The following NRXN3 variants were observed in gnomAD, a reference collection of about 807,000 sequenced individuals.
The protein encoded by NRXN3 is neurexin 3.
Under a neutral mutation model 137.6 loss-of-function variants are expected in NRXN3, and 32 were observed. The observed-to-expected ratio is 0.23, with a 90% CI of 0.18 to 0.31. NRXN3 has a LOEUF of 0.31. Among genes scored for constraint, NRXN3 ranks in the 10% least tolerant of loss-of-function variants. The pLI is 1.00. For synonymous variants in NRXN3, 798 were observed against 784.5 expected, an observed-to-expected ratio of 1.02 and a Z score of -0.29; for missense variants, 1,574 against 2,062.5, an observed-to-expected ratio of 0.76 and a Z score of 4.59.
chr14:78,195,021 G>GGT (rs2061098189), intron 1 of NRXN3, among the ~76,000 whole-genome samples: 1 of 152,206 alleles, frequency 6.6e-6, no homozygotes, highest in South Asian at 2.1e-4. Flanking sequence ...AGAAGCCCTT[G>GGT]GTGGAGATCT....
intron 15 of NRXN3, among the ~76,000 whole-genome samples, chr14:79,365,745 G>A (rs56118415): frequency 0.4 from 43,236 of 108,800 alleles, 9,380 homozygotes; most frequent in South Asian, 0.45. Flanking sequence ...AAAAAAAAAA[G>A]AAAAAAAAGA....
At chr14:78,534,060 G>A (rs1344944595) in intron 4 of NRXN3, among the ~76,000 whole-genome samples, 1 of 152,180 alleles carries the variant, frequency 6.6e-6, no homozygotes, top group Non-Finnish European at 1.5e-5. Context: ...GGTGCACTTT[G>A]GGAGAAATGG....
chr14:78,501,810 A>G (rs2095881243), intron 4 of NRXN3, among the ~76,000 whole-genome samples: 1 of 152,158 alleles, frequency 6.6e-6, no homozygotes, highest in Admixed American at 6.5e-5. Context: ...GGGTGGAAGC[A>G]TGGAATAAGG....
intron 15 of NRXN3, among the ~76,000 whole-genome samples, chr14:79,005,762 T>C (rs2099551168): frequency 6.6e-6 from 1 of 151,784 alleles, no homozygotes; most frequent in Non-Finnish European, 1.5e-5. Context: ...TGTTTATACA[T>C]GTTTACCTGT....
At chr14:79,637,126 T>C (rs1292166169) in intron 16 of NRXN3, among the ~76,000 whole-genome samples, 1 of 152,158 alleles carries the variant, frequency 6.6e-6, no homozygotes, top group African/African-American at 2.4e-5. Context: ...AGCTGCGTGA[T>C]TTGGGGCAAA....
chr14:78,291,710 T>C (rs1431418889), intron 3 of NRXN3, among the ~76,000 whole-genome samples: 1 of 152,220 alleles, frequency 6.6e-6, no homozygotes, highest in African/African-American at 2.4e-5. Flanking sequence ...GTAATTACTC[T>C]TTTAAAAAGT....
chr14:79,209,393 A>G (rs991080614), intron 15 of NRXN3, among the ~76,000 whole-genome samples: 2 of 152,042 alleles, frequency 1.3e-5, no homozygotes, highest in African/African-American at 2.4e-5. Context: ...TCTATAATGC[A>G]CTGCTATGTA....
intron 10 of NRXN3, among the ~76,000 whole-genome samples, chr14:78,933,594 G>A (rs1431671448): frequency 6.6e-6 from 1 of 152,090 alleles, no homozygotes; most frequent in African/African-American, 2.4e-5. Context: ...TGTACAACAT[G>A]ATGCTTCGAA....
At chr14:78,493,612 A>G (rs946470878) in intron 4 of NRXN3, among the ~76,000 whole-genome samples, 11 of 152,166 alleles carry the variant, frequency 7.2e-5, no homozygotes, top group Middle Eastern at 3.4e-3. Flanking sequence ...TCTTTGGACT[A>G]CCCTCTTTAG....
chr14:78,816,406 T>A (rs939540010), intron 10 of NRXN3, among the ~76,000 whole-genome samples: 2 of 152,136 alleles, frequency 1.3e-5, no homozygotes, highest in Non-Finnish European at 2.9e-5. Flanking sequence ...TCCTTCTTTT[T>A]GACACAAATA....
Position 79,659,068 on chromosome 14 carries a change from C to CTGAT in NRXN3, c.3445-4706_3445-4703dup, listed in dbSNP as rs113499863. 2.1e-3 allele frequency among the ~76,000 whole-genome samples: 327 copies of CTGAT among 152,186 alleles called. 5 individuals are homozygous for CTGAT. Among genetic ancestry groups the CTGAT allele is most frequent in the African/African-American group, 7.3e-3 (304 of 41,522 alleles). On this transcript the variant is annotated intron_variant, in intron 16 of 20. Coordinates refer to ENST00000335750, the MANE Select transcript of NRXN3 (RefSeq NM_001330195.2). ...GTCAGCACCAATAACTGCAGTGTGA[C>CTGAT]TGATTGAGGATAGGGCAGCTGAAGC...
intron 3 of NRXN3, among the ~76,000 whole-genome samples, chr14:78,293,279 C>G (rs924564861): frequency 9.2e-5 from 14 of 152,142 alleles, no homozygotes; most frequent in Non-Finnish European, 2.9e-5. Flanking sequence ...TGCTGACCCT[C>G]TCATCTATGA....
intron 4 of NRXN3, among the ~76,000 whole-genome samples, chr14:78,644,724 C>T (rs766843913): frequency 6.6e-6 from 1 of 152,158 alleles, no homozygotes; most frequent in East Asian, 1.9e-4. Flanking sequence ...AGTCCTTTGT[C>T]AGAACAGTTA....
At chr14:78,886,038 G>T (rs2099142695) in intron 10 of NRXN3, among the ~76,000 whole-genome samples, 1 of 152,080 alleles carries the variant, frequency 6.6e-6, no homozygotes, top group Non-Finnish European at 1.5e-5. Flanking sequence ...CTCTGGAAAT[G>T]ACAAGCATCA....
chr14:79,855,091 C>T (rs867632882), intron 20 of NRXN3, among the ~76,000 whole-genome samples: 1 of 152,170 alleles, frequency 6.6e-6, no homozygotes, highest in Middle Eastern at 3.4e-3. Context: ...GGTAAGCTTT[C>T]AGGGATCTTA....
Position 78,645,310 on chromosome 14 carries a change from C to T in NRXN3, c.948C>T (p.Ser316=), listed in dbSNP as rs2097675677. The change falls in exon 5 of 21, where the codon TCC becomes TCT. Residue 316 remains serine (S), a synonymous_variant. Transcript: ENST00000335750. The stretch of plus-strand genomic sequence containing the variant: ...TGGCTCTGAAGGATGGTGCGGTCTC[C>T]TTGGTCATTAACCTGGGGTCCGGGG... ...VNLALKDGAV[S]LVINLGSGAF... The T allele has an allele frequency of 6.9e-6, 11 of 1,598,890 alleles. No homozygotes were observed. The East Asian group carries it at 2.5e-4, about 36-fold the overall frequency.
At chr14:78,421,897 T>TA (rs931154414) in intron 4 of NRXN3, among the ~76,000 whole-genome samples, 89 of 150,878 alleles carry the variant, frequency 5.9e-4, no homozygotes, top group South Asian at 3.0e-3. Flanking sequence ...TTTGCAACCA[T>TA]AAAAAAAAAG....
chr14:79,848,924 G>T lies in NRXN3; in HGVS notation c.4094-12418G>T, dbSNP rs182875402. On this transcript the variant is annotated intron_variant, in intron 20 of 20. Coordinates refer to ENST00000335750, the MANE Select transcript of NRXN3 (RefSeq NM_001330195.2). Reference sequence around the variant, plus strand: ...TTTAAGAGACACTTTGGGTTCAGAAGAGCTAAAACAGAACTTTGGATTCCC... The same window carrying T: ...TTTAAGAGACACTTTGGGTTCAGAATAGCTAAAACAGAACTTTGGATTCCC... Among the ~76,000 whole-genome samples, 126 of 152,254 alleles carry T rather than the reference G, an allele frequency of 8.3e-4. 1 individual carries two copies. Among genetic ancestry groups the T allele is most frequent in the Non-Finnish European group, 1.6e-3 (110 of 68,018 alleles).
At chr14:79,364,170 G>T (rs999560565) in intron 15 of NRXN3, among the ~76,000 whole-genome samples, 2 of 152,014 alleles carry the variant, frequency 1.3e-5, no homozygotes, top group African/African-American at 4.8e-5. Flanking sequence ...TTTCTCCCCA[G>T]TTCTTCTTTT....
Sources: gnomAD v4.1 joint callset for allele counts (sites outside exome capture counted in the v4.1 genomes callset) on GRCh38, gnomAD v4.1.1 for gene constraint, MANE v1.5 for transcripts, NCBI Gene and HGNC (gene_info 2026-07-23, HGNC 2026-07-21) for gene names.